GALC: variants seen among roughly 807,000 people sequenced by gnomAD.
The protein encoded by GALC is galactosylceramidase.
GALC carries 77 observed loss-of-function variants against 91.8 expected under a neutral mutation model. That is an observed-to-expected ratio of 0.84 (90% CI 0.70 to 1.01). The LOEUF is 1.01. Ranked by LOEUF, GALC falls within the 50% of genes least tolerant of loss-of-function variation. The probability of loss-of-function intolerance (pLI) is 0.00; values close to 1 mark genes in which losing one functional copy is unlikely to be tolerated. For synonymous variants in GALC, 357 were observed against 306.7 expected (o/e 1.16, Z -1.71); for missense variants, 882 against 855.9 (o/e 1.03, Z -0.38).
At chr14:87,962,599 A>G (rs921317981) in intron 10 of GALC, among the ~76,000 whole-genome samples, 85 of 131,938 alleles carry the variant, frequency 6.4e-4, no homozygotes, top group African/African-American at 3.0e-3. Context: ...ACACACACAC[A>G]CACACACACA....
At chr14:87,970,007 A>T (rs1461407292) in intron 7 of GALC, among the ~76,000 whole-genome samples, 1 of 152,228 alleles carries the variant, frequency 6.6e-6, no homozygotes. Flanking sequence ...GAAATCTAGC[A>T]TCTAACAGGG....
In GALC at chr14:87,959,919, G is replaced by GAT. The variant is rs202171720; in HGVS notation, c.1161+3463_1161+3464dup. Among the ~76,000 whole-genome samples the GAT allele has an allele frequency of 4.1e-3, 627 of 151,942 alleles. 6 individuals are homozygous for GAT. The highest frequency in any genetic ancestry group is 0.014 in the African/African-American group (580 of 41,456). On this transcript the variant is annotated intron_variant, in intron 10 of 16. Transcript: ENST00000261304. ...ATGAATGCATGAATAAAGAAAATGT[G>GAT]ATATATATATACACAATGGAGTACT... is the stretch of plus-strand genomic sequence containing the variant.
upstream of GALC, chr14:87,993,323 C>T (rs1469568652): frequency 6.5e-7 from 1 of 1,536,220 alleles, no homozygotes; most frequent in South Asian, 1.2e-5. Flanking sequence ...AAAGAAGCAG[C>T]GAGCTTTTTC....
Position 87,968,353 on chromosome 14 carries a change from A to T in GALC, c.890T>A (p.Ile297Asn), listed in dbSNP as rs758289857. 1.2e-6 allele frequency: 2 copies of T among 1,613,388 alleles called. No individual in the cohort carries two copies. Among genetic ancestry groups the T allele is most frequent in the East Asian group, 4.5e-5 (2 of 44,874 alleles). ...CWGRILNQNY[I>N]NGYMTSTIAW... Reference sequence around the variant, plus strand: ...AACTTACGAAGTCATATAGCCATTGATATAATTCTGATTTAAAATGCGACC... The same window carrying T: ...AACTTACGAAGTCATATAGCCATTGTTATAATTCTGATTTAAAATGCGACC... The change falls in exon 8 of 17, where the codon ATC becomes AAC. Residue 297 changes from isoleucine (I) to asparagine (N), a missense_variant. By Grantham distance (149) the Ile-to-Asn change is moderately radical. Transcript: ENST00000261304.
chr14:87,970,265 T>C (rs1028033107), intron 7 of GALC, among the ~76,000 whole-genome samples: 4 of 152,168 alleles, frequency 2.6e-5, no homozygotes, highest in African/African-American at 9.7e-5. Context: ...TATATTTCTA[T>C]ATTAAAGAAA....
chr14:87,986,364 G>A (rs1886969663), intron 4 of GALC, 125 bp downstream of exon 4: 2 of 709,624 alleles, frequency 2.8e-6, no homozygotes, highest in Non-Finnish European at 2.5e-6. Flanking sequence ...GCTGCTGGTA[G>A]CATACTGGTA....
chr14:87,937,894 C>T (rs1270030785), intron 16 of GALC, among the ~76,000 whole-genome samples: 2 of 150,928 alleles, frequency 1.3e-5, no homozygotes, highest in African/African-American at 4.9e-5. Flanking sequence ...TGCTTTTGTT[C>T]CTGTGTTCTC....
At chr14:87,990,435 C>T (rs1289794861) in intron 1 of GALC, among the ~76,000 whole-genome samples, 1 of 152,150 alleles carries the variant, frequency 6.6e-6, no homozygotes, top group African/African-American at 2.4e-5. Flanking sequence ...AAGGACTTGG[C>T]ACATTACCTG....
intron 6 of GALC, among the ~76,000 whole-genome samples, chr14:87,978,844 C>G (rs76133511): frequency 6.6e-6 from 1 of 150,490 alleles, no homozygotes; most frequent in African/African-American, 2.4e-5. Context: ...AAAAAAACTT[C>G]AAAGAAACAA....
At chr14:87,990,915 G>T (rs115065103) in intron 1 of GALC, among the ~76,000 whole-genome samples, 1 of 152,160 alleles carries the variant, frequency 6.6e-6, no homozygotes, top group South Asian at 2.1e-4. Flanking sequence ...TCATCATTCA[G>T]TGGCCTTGAA....
intron 3 of GALC, 50 bp from the exon 4 acceptor site, chr14:87,986,652 C>T: frequency 8.9e-7 from 1 of 1,127,104 alleles, no homozygotes; most frequent in Non-Finnish European, 1.3e-6. Flanking sequence ...AATGGTACTT[C>T]CTAGGACCAT....
At position 87,979,888 on chromosome 14, in the gene GALC, C is replaced by G. The variant is rs1390906863; in HGVS notation, c.621+2317G>C. 2.0e-5 allele frequency among the ~76,000 whole-genome samples: 3 copies of G among 152,188 alleles called. No homozygotes were observed. In the South Asian group the frequency reaches 6.2e-4, roughly 32 times the overall value. On this transcript the variant is annotated intron_variant, in intron 6 of 16. Coordinates refer to ENST00000261304, the MANE Select transcript of GALC (RefSeq NM_000153.4). ...TTATCAGACCTGTGCTCACAGCAGG[C>G]ATGACTTTCCACTTACAATCCCTGT...
chr14:87,952,711 T>C (rs1303785167), intron 10 of GALC: 9 of 1,519,292 alleles, frequency 5.9e-6, no homozygotes, highest in South Asian at 2.3e-5. Context: ...ATCTTAGTGG[T>C]CATTTCTTAC....
At chr14:87,971,940 T>G (rs1166206929) in intron 7 of GALC, among the ~76,000 whole-genome samples, 1 of 152,070 alleles carries the variant, frequency 6.6e-6, no homozygotes, top group Non-Finnish European at 1.5e-5. Context: ...CAACTTTCAG[T>G]CACTAAGAAG....
At chr14:87,954,304 C>G in intron 10 of GALC, 2 of 1,575,082 alleles carry the variant, frequency 1.3e-6, no homozygotes, top group African/African-American at 2.7e-5. Context: ...GTTGATTTCA[C>G]TATACTGACA....
At chr14:87,948,227 T>A (rs2139957625) in intron 12 of GALC, among the ~76,000 whole-genome samples, 1 of 152,142 alleles carries the variant, frequency 6.6e-6, no homozygotes, top group South Asian at 2.1e-4. Context: ...AGACCTGCTT[T>A]TTTCTCTCAG....
intron 3 of GALC, 30 bp downstream of exon 3, chr14:87,988,114 G>C (rs1887048281): frequency 1.9e-6 from 3 of 1,558,220 alleles, no homozygotes; most frequent in Non-Finnish European, 2.7e-6. Flanking sequence ...AATGTTGATG[G>C]GAGAAATCCT....
intron 9 of GALC, 104 bp downstream of exon 9, chr14:87,965,401 T>G: frequency 7.7e-7 from 1 of 1,296,210 alleles, no homozygotes; most frequent in Non-Finnish European, 1.1e-6. Flanking sequence ...AATCTATACT[T>G]AAAACACGCA....
chr14:87,957,403 T>C lies in GALC; in HGVS notation c.1161+5981A>G, dbSNP rs560693757. ...TGGTTTCAGGTCTTAGATTGAAGCC[T>C]TTAATCCATCTTGAGTTAATTTCTG... On this transcript the variant is annotated intron_variant, in intron 10 of 16. Coordinates refer to ENST00000261304, the MANE Select transcript of GALC (RefSeq NM_000153.4). Among the ~76,000 whole-genome samples the C allele has an allele frequency of 3.3e-5, 5 of 152,290 alleles. No individual in the cohort carries two copies. In the East Asian group the frequency reaches 9.6e-4, roughly 29 times the overall value.
Sources: allele counts gnomAD v4.1 joint callset (sites outside exome capture counted in the v4.1 genomes callset), GRCh38; gene constraint gnomAD v4.1.1; transcripts MANE v1.5; gene names NCBI Gene and HGNC (gene_info 2026-07-23, HGNC 2026-07-21).